Variants in DSCAML1 observed in about 807,000 individuals in gnomAD.
The protein encoded by DSCAML1 is cell adhesion molecule DSCAML1.
Under a neutral mutation model 200.5 loss-of-function variants are expected in DSCAML1, and 38 were observed. The ratio of observed to expected loss-of-function variants is 0.19; its 90% confidence interval spans 0.15 to 0.25. The LOEUF is 0.25. Among genes scored for constraint, DSCAML1 ranks in the 10% least tolerant of loss-of-function variants. The pLI is 1.00. For missense variants in DSCAML1, 2,223 were observed against 2,858.8 expected, an observed-to-expected ratio of 0.78 and a Z score of 5.07; for synonymous variants, 1,215 against 1,165.0, an observed-to-expected ratio of 1.04 and a Z score of -0.87.
intron 15 of DSCAML1, 67 bp downstream of exon 15, chr11:117,471,802 C>CATTGCCAGTGAACA (rs1555173501): frequency 4.2e-5 from 64 of 1,530,740 alleles, no homozygotes; most frequent in Non-Finnish European, 5.0e-5. Flanking sequence ...TGAACAGGAT[C>CATTGCCAGTGAACA]GCTGTAGGCC....
At chr11:117,799,464 C>T (rs914234777), upstream of DSCAML1, among the ~76,000 whole-genome samples, 6 of 152,134 alleles carry the variant, frequency 3.9e-5, no homozygotes, top group African/African-American at 1.2e-4. Context: ...GCTAGTTATA[C>T]ACAGGGGGCT....
intron 8 of DSCAML1, among the ~76,000 whole-genome samples, chr11:117,509,068 A>T (rs567891738): frequency 1.2e-4 from 19 of 152,254 alleles, no homozygotes; most frequent in African/African-American, 3.9e-4. Context: ...CACTTCAGCT[A>T]CAGACGGAGC....
intron 1 of DSCAML1, among the ~76,000 whole-genome samples, chr11:117,792,610 G>C (rs1018153747): frequency 9.9e-5 from 15 of 152,200 alleles, no homozygotes; most frequent in African/African-American, 3.4e-4. Flanking sequence ...CAAACCAGGA[G>C]GGTGAAAGAG....
chr11:117,521,239 G>A lies in DSCAML1; in HGVS notation c.1104C>T (p.Asn368=), dbSNP rs539473354. The A allele has an allele frequency of 1.1e-5, 17 of 1,614,202 alleles. No individual in the cohort carries two copies. In the East Asian group the frequency reaches 2.2e-4, roughly 21 times the overall value. Residue 368 remains asparagine, a synonymous_variant, in exon 6 of 33, where the codon AAC becomes AAT. Coordinates refer to ENST00000651296, the MANE Select transcript of DSCAML1 (RefSeq NM_020693.4). ...DEAISIRGLS[N]ETLLITSAQK... is the part of the protein sequence containing the mutation. ...GGGCCGAGGTGATGAGCAGCGTCTC[G>A]TTGCTGAGCCCGCGGATGGAGATGG...
chr11:117,465,562 C>T (rs976695363), intron 16 of DSCAML1, among the ~76,000 whole-genome samples: 3 of 152,116 alleles, frequency 2.0e-5, no homozygotes, highest in African/African-American at 7.2e-5. Context: ...ATTTTTCTTC[C>T]CGGTTTATTT....
At chr11:117,569,242 C>T (rs1003474228) in intron 3 of DSCAML1, among the ~76,000 whole-genome samples, 14 of 152,262 alleles carry the variant, frequency 9.2e-5, no homozygotes, top group African/African-American at 3.4e-4. Context: ...CAGACTTAAA[C>T]GTTAGACCTA....
chr11:117,491,607 C>T (rs897125865), intron 11 of DSCAML1, among the ~76,000 whole-genome samples: 5 of 152,204 alleles, frequency 3.3e-5, no homozygotes, highest in African/African-American at 1.2e-4. Context: ...TGGCCCGTCT[C>T]TACTAAAAAT....
intron 8 of DSCAML1, among the ~76,000 whole-genome samples, chr11:117,510,197 A>C (rs2137289279): frequency 6.6e-6 from 1 of 152,232 alleles, no homozygotes; most frequent in East Asian, 1.9e-4. Context: ...TCTCTTTGAG[A>C]TGGAGCCTTT....
chr11:117,527,387 G>C (rs2049995546), intron 4 of DSCAML1, among the ~76,000 whole-genome samples: 2 of 152,126 alleles, frequency 1.3e-5, no homozygotes, highest in South Asian at 4.1e-4. Context: ...CTGGAAGACC[G>C]AGCTCCTCAA....
rs536083985 is a variant in DSCAML1, at chr11:117,524,792, T to C, written c.937+13A>G. The C allele has an allele frequency of 4.5e-5, 70 of 1,566,032 alleles. 1 individual carries two copies. In the African/African-American group the frequency reaches 9.2e-4, roughly 21 times the overall value. On this transcript the variant is annotated intron_variant, in intron 5 of 32. Coordinates refer to ENST00000651296, the MANE Select transcript of DSCAML1 (RefSeq NM_020693.4). ...AGGTTACTGGGGCTGCAGAAGGGGC[T>C]TCCCCGACTCACCAATGACCATGAG...
At chr11:117,631,952 G>T (rs543141520) in intron 3 of DSCAML1, among the ~76,000 whole-genome samples, 1 of 152,332 alleles carries the variant, frequency 6.6e-6, no homozygotes, top group East Asian at 1.9e-4. Flanking sequence ...GGTCTTAGAG[G>T]AGCGGCAAAG....
chr11:117,746,135 T>C (rs1196925490), intron 3 of DSCAML1, among the ~76,000 whole-genome samples: 1 of 136,898 alleles, frequency 7.3e-6, no homozygotes, highest in Non-Finnish European at 1.5e-5. Context: ...GGCAGGAGAA[T>C]GGCGTGAACC....
In DSCAML1 at chr11:117,769,188, A is replaced by ATTG. The variant is rs1316331897; in HGVS notation, c.511+7602_511+7603insCAA. On this transcript the variant is annotated intron_variant, in intron 3 of 32. Coordinates refer to ENST00000651296, the MANE Select transcript of DSCAML1 (RefSeq NM_020693.4). ...TATATATTTTATATATATTATACAT[A>ATTG]TATATTTTATATATATTATATATTT... Among the ~76,000 whole-genome samples the ATTG allele has an allele frequency of 9.5e-4, 27 of 28,380 alleles. 2 individuals carry two copies. The highest frequency in any genetic ancestry group is 1.9e-3 in the African/African-American group (27 of 14,358). The allele number at this position is 28,380 out of a possible 152,430, so 18.6% of individuals were successfully genotyped here. A position where few individuals can be genotyped will look rare whatever the true frequency, so the allele number is the denominator to read the frequency against.
At chr11:117,457,514 C>T (rs2048395509) in intron 19 of DSCAML1, among the ~76,000 whole-genome samples, 1 of 152,232 alleles carries the variant, frequency 6.6e-6, no homozygotes, top group Admixed American at 6.5e-5. Flanking sequence ...AGCACAGTCT[C>T]CACGCTGGAG....
chr11:117,526,322 C>A (rs938012722), intron 4 of DSCAML1, among the ~76,000 whole-genome samples: 1 of 152,170 alleles, frequency 6.6e-6, no homozygotes, highest in African/African-American at 2.4e-5. Context: ...TCCATGGAAG[C>A]CTGCGGTGGT....
At chr11:117,694,057 TTATATATATATA>T (rs35313833) in intron 3 of DSCAML1, among the ~76,000 whole-genome samples, 2 of 116,636 alleles carry the variant, frequency 1.7e-5, no homozygotes, top group African/African-American at 2.8e-5. Context: ...GGTTCTATCT[TTATATATATATA>T]TATATATATA....
At chr11:117,603,450 C>T (rs187107070) in intron 3 of DSCAML1, among the ~76,000 whole-genome samples, 5 of 152,338 alleles carry the variant, frequency 3.3e-5, no homozygotes, top group African/African-American at 1.2e-4. Context: ...GCAAGTTAAC[C>T]TCTCTAGGCC....
At chr11:117,608,292 A>G (rs1199289405) in intron 3 of DSCAML1, among the ~76,000 whole-genome samples, 1 of 152,232 alleles carries the variant, frequency 6.6e-6, no homozygotes, top group Non-Finnish European at 1.5e-5. Flanking sequence ...AATAAATGTA[A>G]CTTTTATTGA....
rs891724304 is a variant in DSCAML1, at chr11:117,544,286, C to G, written c.512-11764G>C. Among the ~76,000 whole-genome samples the G allele has an allele frequency of 1.1e-4, 16 of 152,294 alleles. No homozygotes were observed. In the East Asian group the frequency reaches 3.1e-3, roughly 29 times the overall value. Reference sequence around the variant, plus strand: ...TTACCAGTTGCTGCTCCATGCAATACAGATTTATAAAAACAGTGTCGTCAG... The same window carrying G: ...TTACCAGTTGCTGCTCCATGCAATAGAGATTTATAAAAACAGTGTCGTCAG... On this transcript the variant is annotated intron_variant, in intron 3 of 32. Coordinates refer to ENST00000651296, the MANE Select transcript of DSCAML1 (RefSeq NM_020693.4).
Sources: gnomAD v4.1 joint callset for allele counts (sites outside exome capture counted in the v4.1 genomes callset) on GRCh38, gnomAD v4.1.1 for gene constraint, MANE v1.5 for transcripts, NCBI Gene and HGNC (gene_info 2026-07-23, HGNC 2026-07-21) for gene names.